The following GRID1 variants were observed in gnomAD, a reference collection of about 807,000 sequenced individuals.
The protein encoded by GRID1 is glutamate ionotropic receptor delta type subunit 1.
A neutral mutation model predicts 98.0 loss-of-function variants in GRID1; 28 were observed. The observed-to-expected ratio is 0.29, with a 90% CI of 0.21 to 0.39. The LOEUF is 0.39. GRID1 is among the 10% of genes least tolerant of loss of function. The pLI, the probability that GRID1 is intolerant of heterozygous loss-of-function variation, is 1.00. For missense variants in GRID1, 1,111 were observed against 1,340.5 expected (o/e 0.83, Z 2.67); for synonymous variants, 553 against 538.5 (o/e 1.03, Z -0.37).
At chr10:86,321,930 A>G (rs533454231) in intron 2 of GRID1, among the ~76,000 whole-genome samples, 30 of 152,096 alleles carry the variant, frequency 2.0e-4, no homozygotes, top group African/African-American at 5.8e-4. Flanking sequence ...AGAATCACCC[A>G]CCTTATTAAG....
At chr10:86,057,655 T>C (rs1156238962) in intron 4 of GRID1, among the ~76,000 whole-genome samples, 1 of 152,070 alleles carries the variant, frequency 6.6e-6, no homozygotes, top group Non-Finnish European at 1.5e-5. Context: ...TTGGTTCAGT[T>C]TTCCCACTCT....
In GRID1 at chr10:86,322,961, G is replaced by T. The variant is rs192060022; in HGVS notation, c.235+40980C>A. Among the ~76,000 whole-genome samples, 485 of 151,608 alleles carry T rather than the reference G, an allele frequency of 3.2e-3. 2 individuals carry two copies. The highest frequency in any genetic ancestry group is 0.011 in the African/African-American group (468 of 41,432). On this transcript the variant is annotated intron_variant, in intron 2 of 15. Coordinates refer to ENST00000327946, the MANE Select transcript of GRID1 (RefSeq NM_017551.3). ...ACAAAAAAAAAAAGCTAGGTGTGGT[G>T]CCGCACACCTGTAATCCCAGCTCCT...
At chr10:85,672,223 G>C (rs1409000077) in intron 12 of GRID1, among the ~76,000 whole-genome samples, 1 of 152,208 alleles carries the variant, frequency 6.6e-6, no homozygotes, top group Non-Finnish European at 1.5e-5. Context: ...TTAGAAACTA[G>C]TGCAGCTCAT....
At chr10:86,235,009 C>T (rs545085005) in intron 2 of GRID1, among the ~76,000 whole-genome samples, 14 of 152,328 alleles carry the variant, frequency 9.2e-5, no homozygotes, top group African/African-American at 2.6e-4. Flanking sequence ...GCTCCACGGA[C>T]GTGCATGCAG....
chr10:86,256,382 T>A (rs986468048), intron 2 of GRID1, among the ~76,000 whole-genome samples: 1 of 152,206 alleles, frequency 6.6e-6, no homozygotes, highest in African/African-American at 2.4e-5. Flanking sequence ...GGAGGATCAC[T>A]TGAGCCCAGG....
intron 2 of GRID1, among the ~76,000 whole-genome samples, chr10:86,225,541 A>G (rs796955669): frequency 4.6e-5 from 7 of 152,256 alleles, no homozygotes; most frequent in African/African-American, 1.7e-4. Flanking sequence ...CGGCCTGGAG[A>G]CAGCAGGGTC....
intron 5 of GRID1, among the ~76,000 whole-genome samples, chr10:85,909,728 A>G (rs1168719802): frequency 2.0e-5 from 3 of 152,216 alleles, no homozygotes; most frequent in African/African-American, 7.2e-5. Flanking sequence ...CCAGAAACAG[A>G]TCAGTAGTTG....
intron 8 of GRID1, among the ~76,000 whole-genome samples, chr10:85,757,682 G>A (rs1389767740): frequency 6.6e-6 from 1 of 152,234 alleles, no homozygotes; most frequent in Non-Finnish European, 1.5e-5. Context: ...CATGTACTAT[G>A]TATGGTGGTT....
At chr10:86,067,051 T>C (rs1843729317) in intron 4 of GRID1, among the ~76,000 whole-genome samples, 1 of 152,204 alleles carries the variant, frequency 6.6e-6, no homozygotes, top group Non-Finnish European at 1.5e-5. Flanking sequence ...TCCCCCTTAA[T>C]GGTCCTCAAA....
chr10:86,206,542 G>A lies in GRID1; in HGVS notation c.342C>T (p.Leu114=). The stretch of plus-strand genomic sequence containing the variant: ...ACCCTCCCGGGTTGCGCTGGACAAA[G>A]AGGTGTGGGATGTGCATGGCATCCG... The part of the protein sequence containing the change: ...SLTDAMHIPH[L]FVQRNPGGSP... The change falls in exon 3 of 16, where the codon CTC becomes CTT. Residue 114 remains leucine, a synonymous_variant. Coordinates refer to ENST00000327946, the MANE Select transcript of GRID1 (RefSeq NM_017551.3). The surrounding 1 kb of genome is among the most constrained non-coding windows in gnomAD (Gnocchi z 4.1). The A allele has an allele frequency of 6.2e-7, 1 of 1,614,238 alleles. No homozygotes were observed. Among genetic ancestry groups the A allele is most frequent in the East Asian group, 2.2e-5 (1 of 44,892 alleles).
intron 2 of GRID1, among the ~76,000 whole-genome samples, chr10:86,283,555 A>ACACACATGCG (rs1294916538): frequency 2.0e-5 from 3 of 151,642 alleles, no homozygotes; most frequent in Admixed American, 2.0e-4. Flanking sequence ...CTGCCCTTAC[A>ACACACATGCG]CACACATGCA....
chr10:86,012,121 C>CA (rs1842929126), intron 4 of GRID1, among the ~76,000 whole-genome samples: 1 of 151,330 alleles, frequency 6.6e-6, no homozygotes, highest in African/African-American at 2.4e-5. Flanking sequence ...GACTCTGCCT[C>CA]AAAAAATAAA....
intron 3 of GRID1, among the ~76,000 whole-genome samples, chr10:86,143,594 C>T (rs1845040826): frequency 6.6e-6 from 1 of 152,212 alleles, no homozygotes; most frequent in African/African-American, 2.4e-5. Context: ...CAGCCCCATC[C>T]ACCATCACCA....
intron 4 of GRID1, among the ~76,000 whole-genome samples, chr10:85,970,952 C>T (rs540643043): frequency 6.6e-6 from 1 of 151,892 alleles, no homozygotes; most frequent in African/African-American, 2.4e-5. Context: ...AAGATATTCA[C>T]ACAAAAAACT....
chr10:85,948,383 G>A (rs966834776), intron 4 of GRID1, among the ~76,000 whole-genome samples: 3 of 152,220 alleles, frequency 2.0e-5, no homozygotes, highest in Non-Finnish European at 4.4e-5. Context: ...GAATTAGGTA[G>A]TCCTTTTGGG....
intron 8 of GRID1, among the ~76,000 whole-genome samples, chr10:85,834,535 A>T (rs78032986): frequency 0.016 from 2,452 of 152,314 alleles, 65 homozygotes; most frequent in African/African-American, 0.055. Context: ...AAATATGAGT[A>T]TATACTATCC....
At chr10:85,772,647 AC>A (rs1842284240) in intron 8 of GRID1, among the ~76,000 whole-genome samples, 2 of 152,352 alleles carry the variant, frequency 1.3e-5, no homozygotes, top group South Asian at 4.1e-4. Context: ...GGATATCACC[AC>A]CGATCCCACA....
At chr10:86,320,926 C>T (rs1589448609) in intron 2 of GRID1, among the ~76,000 whole-genome samples, 1 of 151,794 alleles carries the variant, frequency 6.6e-6, no homozygotes, top group African/African-American at 2.4e-5. Flanking sequence ...GGTGAAACCC[C>T]GTCTCTACTA....
chr10:86,046,176 G>C (rs1843420714), intron 4 of GRID1, among the ~76,000 whole-genome samples: 1 of 152,190 alleles, frequency 6.6e-6, no homozygotes. Flanking sequence ...TGAAGACCCA[G>C]AAGTTACTAC....
Sources: allele counts gnomAD v4.1 joint callset (sites outside exome capture counted in the v4.1 genomes callset), GRCh38; gene constraint gnomAD v4.1.1; non-coding constraint Gnocchi (gnomAD v3.1); transcripts MANE v1.5; gene names NCBI Gene and HGNC (gene_info 2026-07-23, HGNC 2026-07-21).